Variants in ENPP1 observed in about 807,000 individuals in gnomAD.
ENPP1 encodes ectonucleotide pyrophosphatase/phosphodiesterase family member 1.
A neutral mutation model predicts 122.8 loss-of-function variants in ENPP1; 73 were observed. That is an observed-to-expected ratio of 0.59 (90% confidence interval 0.49 to 0.72). The LOEUF (loss-of-function observed/expected upper bound fraction) is 0.72, where lower values mean the gene tolerates loss of function less well. ENPP1 is among the 30% of genes least tolerant of loss of function. The pLI is 0.00. For missense variants in ENPP1, 978 were observed against 1,128.1 expected (o/e 0.87, Z 1.91); for synonymous variants, 367 against 391.6 (o/e 0.94, Z 0.74).
At chr6:131,820,079 C>A (rs1035165301) in intron 1 of ENPP1, 2 of 483,398 alleles carry the variant, frequency 4.1e-6, no homozygotes, top group Non-Finnish European at 7.8e-6. Flanking sequence ...TGTCCATTTG[C>A]GATGTAAACC....
intron 19 of ENPP1, among the ~76,000 whole-genome samples, chr6:131,879,233 A>C (rs1782271492): frequency 6.6e-6 from 1 of 152,170 alleles, no homozygotes; most frequent in Non-Finnish European, 1.5e-5. Flanking sequence ...CAAGGTGGCA[A>C]AGTATTGTGG....
At chr6:131,858,833 G>A (rs569376297) in intron 7 of ENPP1, 86 bp downstream of exon 7, 1 of 1,013,724 alleles carries the variant, frequency 9.9e-7, no homozygotes, top group African/African-American at 1.6e-5. Flanking sequence ...TAAGATAAAA[G>A]AAAAACAACT....
At chr6:131,881,743 C>T (rs952917237) in intron 20 of ENPP1, among the ~76,000 whole-genome samples, 3 of 151,956 alleles carry the variant, frequency 2.0e-5, no homozygotes, top group South Asian at 2.1e-4. Flanking sequence ...ATTAGCCAGG[C>T]GTGGTGGGTC....
intron 1 of ENPP1, among the ~76,000 whole-genome samples, chr6:131,821,048 T>C (rs1781479211): frequency 6.6e-6 from 1 of 152,234 alleles, no homozygotes; most frequent in Admixed American, 6.5e-5. Flanking sequence ...TTTTTTATTT[T>C]ACCTTACTCA....
intron 24 of ENPP1, among the ~76,000 whole-genome samples, chr6:131,887,281 G>A (rs116448548): frequency 0.011 from 1,728 of 151,730 alleles, 29 homozygotes; most frequent in African/African-American, 0.04. Context: ...CTTTCTTATC[G>A]TATTGTCATC....
At chr6:131,821,708 C>G (rs1387223141) in intron 1 of ENPP1, among the ~76,000 whole-genome samples, 1 of 152,158 alleles carries the variant, frequency 6.6e-6, no homozygotes, top group East Asian at 1.9e-4. Flanking sequence ...GATGTTTTTC[C>G]AATTCAGCCA....
chr6:131,880,148 G>C lies in ENPP1; in HGVS notation c.2100+114G>C. 7.6e-6 allele frequency: 8 copies of C among 1,057,354 alleles called. No homozygotes were observed. The South Asian group carries it at 8.8e-5, about 12-fold the overall frequency. 65.5% of individuals were successfully genotyped at this position (1,057,354 alleles called of 1,614,324 possible). A position where few individuals can be genotyped will look rare whatever the true frequency, so the allele number is the denominator to read the frequency against. On this transcript the variant is annotated intron_variant, in intron 20 of 24. Coordinates refer to ENST00000647893, the MANE Select transcript of ENPP1 (RefSeq NM_006208.3). ...GGCTTTATACTCAGTTCCCGCATTA[G>C]AGGAACACTGAAGAGGGAGTCAGAA...
rs1282342271 is a variant in ENPP1 at position 131,891,513 on chromosome 6, C to G, written c.*1002C>G. On this transcript the variant is annotated 3_prime_UTR_variant, in exon 25 of 25. Coordinates refer to ENST00000647893, the MANE Select transcript of ENPP1 (RefSeq NM_006208.3). ...TTCTTGGTGGACATGATAAATGACA[C>G]AATGAACTTGATTTCTTTACTACCT... is the stretch of plus-strand genomic sequence containing the variant. 2.6e-5 allele frequency: 4 copies of G among 152,196 alleles called. No individual in the cohort carries two copies. Among genetic ancestry groups the G allele is most frequent in the African/African-American group, 7.2e-5 (3 of 41,438 alleles). 9.4% of individuals were successfully genotyped at this position (152,196 alleles called of 1,614,324 possible).
In ENPP1 at chr6:131,810,102, T is replaced by C. The variant is rs529176789; in HGVS notation, c.240+1827T>C. Among the ~76,000 whole-genome samples, 3 of 152,348 alleles carry C rather than the reference T, an allele frequency of 2.0e-5. No homozygotes were observed. In the South Asian group the frequency reaches 6.2e-4, roughly 32 times the overall value. On this transcript the variant is annotated intron_variant, in intron 1 of 24. Coordinates refer to ENST00000647893, the MANE Select transcript of ENPP1 (RefSeq NM_006208.3). ...GACCTGGTGCGGTGACTCATACCTA[T>C]TATCTCAGCACTTTGGGAAGTTGAG...
At position 131,808,293 on chromosome 6, in the gene ENPP1, C is replaced by T. The variant is rs770638846; in HGVS notation, c.240+18C>T. The T allele has an allele frequency of 2.0e-6, 3 of 1,483,330 alleles. No homozygotes were observed. The highest frequency in any genetic ancestry group is 1.4e-5 in the African/African-American group (1 of 69,340). 91.9% of individuals were successfully genotyped at this position (1,483,330 alleles called of 1,614,324 possible). A position where few individuals can be genotyped will look rare whatever the true frequency, so the allele number is the denominator to read the frequency against. ...TCTCGCTGGTAGGTCCGCGGCCAGG[C>T]CCCGGCGCCCGGGAGGGCTGGGAGT... On this transcript the variant is annotated intron_variant, in intron 1 of 24. Transcript: ENST00000647893.
At chr6:131,862,639 C>T (rs1381442552) in intron 9 of ENPP1, among the ~76,000 whole-genome samples, 1 of 152,104 alleles carries the variant, frequency 6.6e-6, no homozygotes, top group Non-Finnish European at 1.5e-5. Flanking sequence ...TCTCCTGTTC[C>T]TGGGATTGCA....
chr6:131,828,277 C>A, intron 1 of ENPP1: 2 of 539,292 alleles, frequency 3.7e-6, no homozygotes, highest in South Asian at 1.5e-5. Flanking sequence ...TGCTCTGTGT[C>A]AGCTGGAGAG....
In ENPP1 at chr6:131,877,219, A is replaced by C. The variant is rs1429769284; in HGVS notation, c.1893+58A>C. ...TATGGTTTGATAGCACCCTCTGCAT[A>C]GCATGTGCTGTAAAAATACTTAATA... On this transcript the variant is annotated intron_variant, in intron 18 of 24. Coordinates refer to ENST00000647893, the MANE Select transcript of ENPP1 (RefSeq NM_006208.3). The C allele has an allele frequency of 5.3e-6, 8 of 1,501,584 alleles. No individual in the cohort carries two copies. The South Asian group carries it at 9.3e-5, about 17-fold the overall frequency. 93.0% of individuals were successfully genotyped at this position (1,501,584 alleles called of 1,614,324 possible). A position where few individuals can be genotyped will look rare whatever the true frequency, so the allele number is the denominator to read the frequency against.
In ENPP1 at chr6:131,875,733, A is replaced by G. The variant is rs757381557; in HGVS notation, c.1636-43A>G. 47 of 1,509,606 alleles carry G rather than the reference A, an allele frequency of 3.1e-5. No individual in the cohort carries two copies. The Middle Eastern group carries it at 1.9e-3, about 60-fold the overall frequency. 93.5% of individuals were successfully genotyped at this position (1,509,606 alleles called of 1,614,324 possible). On this transcript the variant is annotated intron_variant, in intron 16 of 24. Transcript: ENST00000647893. ...CAGAATTTTTGGGACCAACTTGTAG[A>G]CAGCTGAAATGCACTGATAAACTTC... is the stretch of plus-strand genomic sequence containing the variant.
intron 1 of ENPP1, chr6:131,826,503 C>T: frequency 9.2e-7 from 1 of 1,092,862 alleles, no homozygotes; most frequent in Admixed American, 1.8e-5. Flanking sequence ...TCTGAAGATG[C>T]TGACAGCCAA....
rs980781657 is a variant in ENPP1 at position 131,808,373 on chromosome 6, CG to C, written c.240+100del. 4 of 1,339,522 alleles carry C rather than the reference CG, an allele frequency of 3.0e-6. No homozygotes were observed. In the African/African-American group the frequency reaches 4.6e-5, roughly 15 times the overall value. The allele number at this position is 1,339,522 out of a possible 1,614,324, so 83.0% of individuals were successfully genotyped here. A position where few individuals can be genotyped will look rare whatever the true frequency, so the allele number is the denominator to read the frequency against. The stretch of plus-strand genomic sequence containing the variant: ...TCTCAGCGCAGTCAGCACCGGGCAC[CG>C]GAGAGAGGCATGGTCCGGGAGTGCT... On this transcript the variant is annotated intron_variant, in intron 1 of 24. Transcript: ENST00000647893.
rs377536819 is a variant in ENPP1 at position 131,819,711 on chromosome 6, T to C, written c.240+11436T>C. The C allele has an allele frequency of 1.3e-3, 342 of 259,962 alleles. 5 individuals carry two copies. The South Asian group carries it at 0.017, about 13-fold the overall frequency. 16.1% of individuals were successfully genotyped at this position (259,962 alleles called of 1,614,324 possible). A position where few individuals can be genotyped will look rare whatever the true frequency, so the allele number is the denominator to read the frequency against. ...CCCTATTTAGACACACACATTTGTC[T>C]ACTGCTCCAGCATGGCCAGCCCCCC... On this transcript the variant is annotated intron_variant, in intron 1 of 24. Coordinates refer to ENST00000647893, the MANE Select transcript of ENPP1 (RefSeq NM_006208.3).
chr6:131,817,998 A>G (rs771446605), intron 1 of ENPP1, among the ~76,000 whole-genome samples: 1 of 151,924 alleles, frequency 6.6e-6, no homozygotes, highest in Non-Finnish European at 1.5e-5. Flanking sequence ...AAAAATCACT[A>G]TCTTGGTTTT....
In ENPP1 at chr6:131,890,647, T is replaced by G; in HGVS notation, c.*136T>G. On this transcript the variant is annotated 3_prime_UTR_variant, in exon 25 of 25. Transcript: ENST00000647893. ...CGGAGCCCTCGGTGATGCGGACATC[T>G]CAGGGAAACTTGCGTACTCAGCACA... The G allele has an allele frequency of 4.0e-6, 3 of 757,790 alleles. No homozygotes were observed. In the South Asian group the frequency reaches 4.5e-5, roughly 11 times the overall value. 46.9% of individuals were successfully genotyped at this position (757,790 alleles called of 1,614,324 possible).
Sources: gnomAD v4.1 joint callset for allele counts (sites outside exome capture counted in the v4.1 genomes callset) on GRCh38, gnomAD v4.1.1 for gene constraint, MANE v1.5 for transcripts, NCBI Gene and HGNC (gene_info 2026-07-23, HGNC 2026-07-21) for gene names.